The following ASAH2 variants were observed in gnomAD, a reference collection of about 807,000 sequenced individuals.
ASAH2 encodes the protein neutral ceramidase.
In ASAH2, 58 loss-of-function variants were observed where a neutral mutation model predicts 82.9. That is an observed-to-expected ratio of 0.70 (90% CI 0.57 to 0.87). The LOEUF (loss-of-function observed/expected upper bound fraction) is 0.87. ASAH2 is among the 40% of genes least tolerant of loss of function. The probability of loss-of-function intolerance (pLI) is 0.00; values close to 1 mark genes in which losing one functional copy is unlikely to be tolerated. For synonymous variants in ASAH2, 276 were observed against 289.7 expected (o/e 0.95, Z 0.48); for missense variants, 779 against 834.0 (o/e 0.93, Z 0.81).
chr10:50,233,039 C>A, intron 7 of ASAH2, 145 bp downstream of exon 7: 2 of 743,746 alleles, frequency 2.7e-6, no homozygotes, highest in Non-Finnish European at 4.9e-6. Flanking sequence ...TGGCTGGACC[C>A]CAGTTGTGTC....
rs1370881909 is a variant in ASAH2 at position 50,187,118 on chromosome 10, T to TCTCTCTCACACACA, written c.*196_*197insTGTGTGTGAGAGAG. Reference sequence around the variant, plus strand: ...CTCTCTCTCTCTCTCTCTCTCTCTCTCACACACACACACACACACACACAC... The same window carrying TCTCTCTCACACACA: ...CTCTCTCTCTCTCTCTCTCTCTCTCTCTCTCTCACACACACACACACACACACACACACACACAC... On this transcript the variant is annotated 3_prime_UTR_variant, in exon 21 of 21. Coordinates refer to ENST00000682911, the MANE Select transcript of ASAH2 (RefSeq NM_019893.4). The TCTCTCTCACACACA allele has an allele frequency of 7.1e-6, 1 of 140,976 alleles. No individual in the cohort carries two copies. The highest frequency in any genetic ancestry group is 5.5e-5 in the African/African-American group (1 of 18,050). The allele number at this position is 140,976 out of a possible 1,614,324, so 8.7% of individuals were successfully genotyped here. A position where few individuals can be genotyped will look rare whatever the true frequency, so the allele number is the denominator to read the frequency against.
chr10:50,225,452 C>T (rs1162168304), intron 7 of ASAH2, among the ~76,000 whole-genome samples: 5 of 152,252 alleles, frequency 3.3e-5, no homozygotes, highest in Admixed American at 3.3e-4. Flanking sequence ...AATCCTTGCA[C>T]ATTACATGGT....
intron 7 of ASAH2, among the ~76,000 whole-genome samples, chr10:50,224,897 C>T (rs1589343541): frequency 6.6e-6 from 1 of 152,086 alleles, no homozygotes; most frequent in East Asian, 1.9e-4. Context: ...TTTAAACCAG[C>T]AGAAGAAAAG....
At position 50,203,696 on chromosome 10, in the gene ASAH2, A is replaced by C; in HGVS notation, c.1626-17T>G. ...GACATGGTCCTGAGTCAAGAAAAAAATTATGTAAACGTTTTCCTACTAGAC... is the reference window on the plus strand; with the variant it reads ...GACATGGTCCTGAGTCAAGAAAAAACTTATGTAAACGTTTTCCTACTAGAC... On this transcript the variant is annotated splice_polypyrimidine_tract_variant and intron_variant, in intron 14 of 20. Transcript: ENST00000682911. The C allele has an allele frequency of 1.2e-6, 2 of 1,611,920 alleles. No homozygotes were observed. The highest frequency in any genetic ancestry group is 2.2e-5 in the South Asian group (2 of 91,026).
intron 18 of ASAH2, among the ~76,000 whole-genome samples, chr10:50,195,852 T>C (rs1299076763): frequency 6.6e-6 from 1 of 151,706 alleles, no homozygotes; most frequent in Non-Finnish European, 1.5e-5. Context: ...GTTAAACTCA[T>C]AGAAGTAGAG....
chr10:50,226,556 G>A (rs1051455048), intron 7 of ASAH2, among the ~76,000 whole-genome samples: 202 of 152,196 alleles, frequency 1.3e-3, no homozygotes, highest in Middle Eastern at 3.4e-3. Flanking sequence ...ATGATGATGT[G>A]TCAATGTAGG....
At chr10:50,238,571 G>A (rs1329766320) in intron 4 of ASAH2, among the ~76,000 whole-genome samples, 1 of 152,114 alleles carries the variant, frequency 6.6e-6, no homozygotes, top group African/African-American at 2.4e-5. Context: ...TGTATAAAGA[G>A]AAGAGAAAAT....
chr10:50,213,158 C>A, intron 9 of ASAH2, 100 bp from the exon 10 acceptor site: 1 of 1,084,666 alleles, frequency 9.2e-7, no homozygotes, highest in Non-Finnish European at 1.4e-6. Context: ...TTTTTAAAAC[C>A]ACATTCTTGC....
At chr10:50,220,911 C>A (rs1013574264) in intron 7 of ASAH2, among the ~76,000 whole-genome samples, 7 of 142,998 alleles carry the variant, frequency 4.9e-5, no homozygotes, top group African/African-American at 1.8e-4. Context: ...ATTATTGAAT[C>A]TGGGCAATAA....
chr10:50,202,299 G>A (rs1182739092), intron 16 of ASAH2, among the ~76,000 whole-genome samples: 1 of 152,048 alleles, frequency 6.6e-6, no homozygotes, highest in East Asian at 1.9e-4. Flanking sequence ...TACTTGGGCT[G>A]CTTTCTGGAC....
In ASAH2 at chr10:50,240,520, G is replaced by A. The variant is rs558158802; in HGVS notation, c.510+2682C>T. 131 of 702,108 alleles carry A rather than the reference G, an allele frequency of 1.9e-4. No individual in the cohort carries two copies. In the East Asian group the frequency reaches 2.8e-3, roughly 15 times the overall value. 43.5% of individuals were successfully genotyped at this position (702,108 alleles called of 1,614,324 possible). A position where few individuals can be genotyped will look rare whatever the true frequency, so the allele number is the denominator to read the frequency against. The stretch of plus-strand genomic sequence containing the variant: ...AACAAAATGGTGTTTACATCACTCC[G>A]CCACTCAGAAGATTTCTCAGAGTCC... On this transcript the variant is annotated intron_variant, in intron 4 of 20. Coordinates refer to ENST00000682911, the MANE Select transcript of ASAH2 (RefSeq NM_019893.4).
At chr10:50,194,015 T>G (rs1844909873) in intron 18 of ASAH2, among the ~76,000 whole-genome samples, 1 of 151,238 alleles carries the variant, frequency 6.6e-6, no homozygotes, top group South Asian at 2.1e-4. Context: ...GTAAAGAAAT[T>G]GAATTAGTAA....
At chr10:50,247,447 G>C (rs995750464) in intron 2 of ASAH2, among the ~76,000 whole-genome samples, 1 of 151,886 alleles carries the variant, frequency 6.6e-6, no homozygotes, top group Non-Finnish European at 1.5e-5. Flanking sequence ...TTATAGGTGT[G>C]AGCCACCGGG....
intron 7 of ASAH2, among the ~76,000 whole-genome samples, chr10:50,220,748 G>T (rs1006639611): frequency 6.9e-6 from 1 of 144,358 alleles, no homozygotes; most frequent in African/African-American, 2.6e-5. Flanking sequence ...TAACCAACCC[G>T]CAAATGTACT....
intron 13 of ASAH2, among the ~76,000 whole-genome samples, 170 bp downstream of exon 13, chr10:50,205,812 C>G (rs1486362461): frequency 6.6e-6 from 1 of 151,850 alleles, no homozygotes; most frequent in Non-Finnish European, 1.5e-5. Context: ...ATTGCCATAA[C>G]CTTCATTCCT....
At chr10:50,240,478 C>A (rs773811594) in intron 4 of ASAH2, 84 of 702,074 alleles carry the variant, frequency 1.2e-4, no homozygotes, top group Non-Finnish European at 1.8e-4. Context: ...ACATCCCTAC[C>A]TGCTTAATCA....
intron 2 of ASAH2, 80 bp downstream of exon 2, chr10:50,248,404 T>G (rs1846528034): frequency 2.0e-6 from 3 of 1,531,092 alleles, no homozygotes; most frequent in African/African-American, 2.8e-5. Context: ...CAGACACTGT[T>G]TTTCTCTTTG....
At chr10:50,230,165 G>A (rs1330233446) in intron 7 of ASAH2, among the ~76,000 whole-genome samples, 1 of 152,104 alleles carries the variant, frequency 6.6e-6, no homozygotes, top group Non-Finnish European at 1.5e-5. Context: ...AGTATTGCGT[G>A]GCTCATAGTA....
In ASAH2 at chr10:50,237,656, T is replaced by A. The variant is rs560466998; in HGVS notation, c.511-1592A>T. Among the ~76,000 whole-genome samples the A allele has an allele frequency of 1.4e-4, 22 of 152,350 alleles. No individual in the cohort carries two copies. The South Asian group carries it at 4.1e-3, about 29-fold the overall frequency. On this transcript the variant is annotated intron_variant, in intron 4 of 20. Coordinates refer to ENST00000682911, the MANE Select transcript of ASAH2 (RefSeq NM_019893.4). ...AATGAACATCCAAATGCATGACTAA[T>A]GTCTTCATATGGTGCATACACATCA...
Sources: gnomAD v4.1 joint callset for allele counts (sites outside exome capture counted in the v4.1 genomes callset) on GRCh38, gnomAD v4.1.1 for gene constraint, MANE v1.5 for transcripts, NCBI Gene and HGNC (gene_info 2026-07-23, HGNC 2026-07-21) for gene names.